SPOCK1: variants seen among roughly 807,000 people sequenced by gnomAD.
SPOCK1 encodes testican-1.
In SPOCK1, 23 loss-of-function variants were observed where a neutral mutation model predicts 55.3. The observed-to-expected ratio is 0.42, with a 90% CI of 0.30 to 0.59. The LOEUF is 0.59. Ranked by LOEUF, SPOCK1 falls within the 20% of genes least tolerant of loss-of-function variation. The pLI is 0.22. For missense variants in SPOCK1, 499 were observed against 552.5 expected, an observed-to-expected ratio of 0.90 and a Z score of 0.97; for synonymous variants, 226 against 221.0, an observed-to-expected ratio of 1.02 and a Z score of -0.20.
chr5:137,491,042 G>C (rs930606768), intron 2 of SPOCK1, among the ~76,000 whole-genome samples: 2 of 152,138 alleles, frequency 1.3e-5, no homozygotes, highest in Admixed American at 1.3e-4. Flanking sequence ...AATTAAAATA[G>C]ATATACCAGC....
chr5:137,051,187 T>A (rs1752201053), intron 6 of SPOCK1, among the ~76,000 whole-genome samples: 1 of 152,182 alleles, frequency 6.6e-6, no homozygotes, highest in South Asian at 2.1e-4. Context: ...ACACACAAAA[T>A]ACAGTTTCAG....
intron 2 of SPOCK1, among the ~76,000 whole-genome samples, chr5:137,433,142 T>C (rs1752784702): frequency 6.6e-6 from 1 of 152,204 alleles, no homozygotes; most frequent in African/African-American, 2.4e-5. Flanking sequence ...CCACTGCTTC[T>C]GGCTTTGGGG....
At chr5:137,327,081 T>C (rs907133842) in intron 2 of SPOCK1, among the ~76,000 whole-genome samples, 1 of 152,216 alleles carries the variant, frequency 6.6e-6, no homozygotes, top group Admixed American at 6.5e-5. Context: ...TTATGCTTCC[T>C]GATGTGGATA....
intron 5 of SPOCK1, among the ~76,000 whole-genome samples, chr5:137,092,480 C>A (rs930349265): frequency 6.6e-6 from 1 of 152,196 alleles, no homozygotes; most frequent in Admixed American, 6.5e-5. Context: ...TCTTATGTAA[C>A]TCTGTCATTA....
At chr5:137,269,837 T>A (rs1467462925) in intron 2 of SPOCK1, among the ~76,000 whole-genome samples, 1 of 152,122 alleles carries the variant, frequency 6.6e-6, no homozygotes, top group African/African-American at 2.4e-5. Context: ...TTGTCAGTGG[T>A]CCTGAACCAA....
chr5:137,336,108 A>G (rs1376803616), intron 2 of SPOCK1, among the ~76,000 whole-genome samples: 1 of 152,214 alleles, frequency 6.6e-6, no homozygotes, highest in Non-Finnish European at 1.5e-5. Flanking sequence ...ATGCTAACAC[A>G]GGAGTTTCTC....
At chr5:137,434,649 G>A (rs915162575) in intron 2 of SPOCK1, among the ~76,000 whole-genome samples, 8 of 151,280 alleles carry the variant, frequency 5.3e-5, no homozygotes, top group Non-Finnish European at 7.4e-5. Context: ...ACAGGCGCCC[G>A]CCACCACGCC....
rs548182812 is a variant in SPOCK1, at chr5:137,258,227, G to C, written c.232+8783C>G. Reference sequence around the variant, plus strand: ...CCCACTTAGGTACACACAGCTATTAGAGGGAAGAGCTAGAAAATGAACCCA... The same window carrying C: ...CCCACTTAGGTACACACAGCTATTACAGGGAAGAGCTAGAAAATGAACCCA... On this transcript the variant is annotated intron_variant, in intron 3 of 10. Coordinates refer to ENST00000394945, the MANE Select transcript of SPOCK1 (RefSeq NM_004598.4). Among the ~76,000 whole-genome samples the C allele has an allele frequency of 2.6e-5, 4 of 152,346 alleles. No individual in the cohort carries two copies. In the South Asian group the frequency reaches 8.3e-4, roughly 32 times the overall value.
chr5:137,332,107 C>G (rs533759877), intron 2 of SPOCK1, among the ~76,000 whole-genome samples: 1 of 152,262 alleles, frequency 6.6e-6, no homozygotes, highest in Non-Finnish European at 1.5e-5. Flanking sequence ...CCCTCTCTGG[C>G]CCTGCCTAGG....
intron 6 of SPOCK1, among the ~76,000 whole-genome samples, chr5:137,054,882 T>C (rs982757915): frequency 2.0e-5 from 3 of 152,212 alleles, no homozygotes; most frequent in African/African-American, 4.8e-5. Context: ...ACATAATCCC[T>C]GCTTTCTAGA....
chr5:137,253,651 C>T (rs1228838286), intron 3 of SPOCK1, among the ~76,000 whole-genome samples: 3 of 152,200 alleles, frequency 2.0e-5, no homozygotes, highest in African/African-American at 4.8e-5. Context: ...ATCCCAGGAG[C>T]GGTGTCTCAG....
chr5:137,068,606 T>G (rs375319292), intron 5 of SPOCK1, among the ~76,000 whole-genome samples: 6 of 152,234 alleles, frequency 3.9e-5, no homozygotes, highest in Non-Finnish European at 4.4e-5. Flanking sequence ...ATGTTATTAA[T>G]AGGTGCAAAA....
intron 6 of SPOCK1, among the ~76,000 whole-genome samples, chr5:137,039,830 T>C (rs1412207350): frequency 6.6e-6 from 1 of 152,214 alleles, no homozygotes; most frequent in East Asian, 1.9e-4. Flanking sequence ...CAATGCTGGG[T>C]ATTCACAGGT....
intron 2 of SPOCK1, among the ~76,000 whole-genome samples, chr5:137,319,686 C>G (rs530159498): frequency 4.7e-4 from 72 of 152,164 alleles, no homozygotes; most frequent in Non-Finnish European, 9.0e-4. Flanking sequence ...TGGCTCACGC[C>G]TGTAATCCCA....
intron 5 of SPOCK1, among the ~76,000 whole-genome samples, chr5:137,079,505 G>A (rs1408795383): frequency 6.7e-6 from 1 of 148,536 alleles, no homozygotes; most frequent in African/African-American, 2.5e-5. Flanking sequence ...GGAAAGCTTT[G>A]ACTGTCTCTC....
At chr5:137,478,870 G>C (rs1753891841) in intron 2 of SPOCK1, among the ~76,000 whole-genome samples, 2 of 151,942 alleles carry the variant, frequency 1.3e-5, no homozygotes. Context: ...TAGGGGGGCA[G>C]GCAACAAGCT....
At chr5:137,318,172 C>G (rs1327257679) in intron 2 of SPOCK1, among the ~76,000 whole-genome samples, 1 of 152,102 alleles carries the variant, frequency 6.6e-6, no homozygotes, top group Non-Finnish European at 1.5e-5. Flanking sequence ...ATCCATTCCT[C>G]TTTTTTCCTA....
chr5:136,982,177 T>C (rs1025093168), intron 9 of SPOCK1, among the ~76,000 whole-genome samples: 4 of 152,198 alleles, frequency 2.6e-5, no homozygotes, highest in Admixed American at 2.6e-4. Context: ...ATCCCTGTCA[T>C]TAAGCAAGGC....
At chr5:137,367,258 G>C (rs1214765711) in intron 2 of SPOCK1, among the ~76,000 whole-genome samples, 1 of 152,174 alleles carries the variant, frequency 6.6e-6, no homozygotes, top group Non-Finnish European at 1.5e-5. Context: ...CAAAATGCAT[G>C]ATTGACAAGA....
Sources: allele counts gnomAD v4.1 joint callset (sites outside exome capture counted in the v4.1 genomes callset), GRCh38; gene constraint gnomAD v4.1.1; transcripts MANE v1.5; gene names NCBI Gene and HGNC (gene_info 2026-07-23, HGNC 2026-07-21).